SCAPER: variants seen among roughly 807,000 people sequenced by gnomAD.
The protein encoded by SCAPER is S phase cyclin A-associated protein in the endoplasmic reticulum.
Under a neutral mutation model 182.2 loss-of-function variants are expected in SCAPER, and 98 were observed. The ratio of observed to expected loss-of-function variants is 0.54; its 90% CI spans 0.46 to 0.64. The LOEUF (loss-of-function observed/expected upper bound fraction) is 0.64. Among genes scored for constraint, SCAPER ranks in the 30% least tolerant of loss-of-function variants. The pLI is 0.00. For synonymous variants in SCAPER, 605 were observed against 564.6 expected (o/e 1.07, Z -1.01); for missense variants, 1,432 against 1,690.0 (o/e 0.85, Z 2.68).
chr15:76,873,630 C>A (rs899465540), intron 2 of SCAPER, among the ~76,000 whole-genome samples: 3 of 152,066 alleles, frequency 2.0e-5, no homozygotes, highest in Non-Finnish European at 4.4e-5. Context: ...CTTTTAGAAG[C>A]TGGCAGAACA....
Position 76,425,731 on chromosome 15 carries a change from T to TC in SCAPER, c.3311+8346dup, listed in dbSNP as rs763905249. On this transcript the variant is annotated intron_variant, in intron 26 of 31. Transcript: ENST00000563290. ...TTTCAGCTTTTCTGCTCTGTTTTTTTCCCATCTTTGTGGTTTTATCCACCT... is the reference window on the plus strand; with the variant it reads ...TTTCAGCTTTTCTGCTCTGTTTTTTTCCCCATCTTTGTGGTTTTATCCACCT... Among the ~76,000 whole-genome samples the TC allele has an allele frequency of 9.2e-5, 14 of 152,224 alleles. 1 individual carries two copies. The highest frequency in any genetic ancestry group is 1.9e-4 in the East Asian group (1 of 5,198).
At chr15:76,863,502 G>A (rs1419698730) in intron 2 of SCAPER, among the ~76,000 whole-genome samples, 1 of 152,096 alleles carries the variant, frequency 6.6e-6, no homozygotes, top group Non-Finnish European at 1.5e-5. Context: ...ATGTGCAAAA[G>A]CATCAAGTAA....
chr15:76,538,551 C>T (rs2044415800), intron 23 of SCAPER, among the ~76,000 whole-genome samples: 1 of 152,038 alleles, frequency 6.6e-6, no homozygotes, highest in African/African-American at 2.4e-5. Context: ...GAACATCACA[C>T]TCTGTGGACT....
chr15:76,410,876 CT>C lies in SCAPER; in HGVS notation c.3312-6198del, dbSNP rs139922939. The stretch of plus-strand genomic sequence containing the variant: ...ATTCTATTGTCTATCCTTCACATCT[CT>C]TGTCTTCTTGCTAATCACATTTGTG... On this transcript the variant is annotated intron_variant, in intron 26 of 31. Transcript: ENST00000563290. 2.6e-5 allele frequency among the ~76,000 whole-genome samples: 4 copies of C among 151,666 alleles called. 1 individual carries two copies. Among genetic ancestry groups the C allele is most frequent in the Admixed American group, 2.6e-4 (4 of 15,216 alleles).
intron 17 of SCAPER, among the ~76,000 whole-genome samples, chr15:76,725,240 A>C (rs1022812129): frequency 6.6e-6 from 1 of 152,182 alleles, no homozygotes; most frequent in Non-Finnish European, 1.5e-5. Flanking sequence ...GATGAGAAAA[A>C]CAGATGCAAT....
chr15:76,843,061 A>G (rs2069637004), intron 4 of SCAPER, among the ~76,000 whole-genome samples: 1 of 152,228 alleles, frequency 6.6e-6, no homozygotes, highest in Non-Finnish European at 1.5e-5. Flanking sequence ...GAAATTATCA[A>G]AACTACTACC....
chr15:76,580,151 T>C (rs141232618), intron 22 of SCAPER, among the ~76,000 whole-genome samples: 208 of 152,250 alleles, frequency 1.4e-3, no homozygotes, highest in African/African-American at 5.0e-3. Flanking sequence ...CTGGATTTAA[T>C]CTACACCATA....
chr15:76,889,825 T>C (rs112223888), intron 1 of SCAPER, among the ~76,000 whole-genome samples: 5 of 152,308 alleles, frequency 3.3e-5, no homozygotes, highest in African/African-American at 1.2e-4. Context: ...GCGGACCTAA[T>C]AGACATCTAC....
chr15:76,854,803 C>CAAAAAA (rs35484908), intron 4 of SCAPER, among the ~76,000 whole-genome samples: 1 of 118,376 alleles, frequency 8.4e-6, no homozygotes, highest in Non-Finnish European at 1.7e-5. Context: ...ACTAAAAATA[C>CAAAAAA]AAAAAAAAAA....
At chr15:76,717,814 T>A (rs2150935783) in intron 17 of SCAPER, among the ~76,000 whole-genome samples, 1 of 152,164 alleles carries the variant, frequency 6.6e-6, no homozygotes, top group East Asian at 1.9e-4. Context: ...TTAATGGACA[T>A]GAAGGGAGAA....
chr15:76,769,065 T>C (rs748047837), intron 10 of SCAPER, among the ~76,000 whole-genome samples: 1 of 151,960 alleles, frequency 6.6e-6, no homozygotes, highest in Non-Finnish European at 1.5e-5. Context: ...ACCTACAGAA[T>C]GGAGAAAATT....
rs558062670 is a variant in SCAPER, at chr15:76,858,333, C to T, written c.125-454G>A. 7.8e-4 allele frequency among the ~76,000 whole-genome samples: 119 copies of T among 152,268 alleles called. 1 individual carries two copies. The highest frequency in any genetic ancestry group is 1.4e-3 in the Non-Finnish European group (96 of 68,010). On this transcript the variant is annotated intron_variant, in intron 3 of 31. Transcript: ENST00000563290. ...TGTTTTATCTGATATATGAAATGCACAATTTCACTGCGAAAAGTGAGGTTT... is the reference window on the plus strand; with the variant it reads ...TGTTTTATCTGATATATGAAATGCATAATTTCACTGCGAAAAGTGAGGTTT...
Position 76,765,402 on chromosome 15 carries a change from T to C in SCAPER, c.1548A>G (p.Glu516=), listed in dbSNP as rs2063049076. The C allele has an allele frequency of 4.3e-6, 7 of 1,613,946 alleles. No individual in the cohort carries two copies. The highest frequency in any genetic ancestry group is 5.9e-6 in the Non-Finnish European group (7 of 1,179,854). ...TTCCATGCCCTGGAGGTCTAGCAGG[T>C]TCTTCTTCTACAATGTCCCCCCAGG... ...NTSWGDIVEE[E]PARPPGHGIH... is the part of the protein sequence containing the mutation. The change falls in exon 13 of 32, where the codon GAA becomes GAG. Residue 516 remains glutamate (E), a synonymous_variant. Coordinates refer to ENST00000563290, the MANE Select transcript of SCAPER (RefSeq NM_020843.4).
At chr15:76,417,644 G>A (rs1037255078) in intron 26 of SCAPER, among the ~76,000 whole-genome samples, 2 of 152,210 alleles carry the variant, frequency 1.3e-5, no homozygotes, top group African/African-American at 4.8e-5. Flanking sequence ...GGCTAGATAT[G>A]TGGTCAGGGT....
intron 22 of SCAPER, among the ~76,000 whole-genome samples, chr15:76,603,990 T>C (rs1428039869): frequency 8.2e-6 from 1 of 121,600 alleles, no homozygotes; most frequent in African/African-American, 2.5e-5. Flanking sequence ...TTCAGTCTGA[T>C]GGTAGTTTCT....
intron 9 of SCAPER, among the ~76,000 whole-genome samples, chr15:76,773,097 A>G (rs749606445): frequency 1.3e-5 from 2 of 151,898 alleles, no homozygotes; most frequent in Non-Finnish European, 2.9e-5. Flanking sequence ...GCCATGGTTT[A>G]TAATCTTCTT....
chr15:76,505,012 C>T (rs1355594063), intron 23 of SCAPER, 38 bp from the exon 24 acceptor site: 4 of 1,508,842 alleles, frequency 2.7e-6, no homozygotes, highest in Non-Finnish European at 3.7e-6. Flanking sequence ...CCCAATTTCC[C>T]AGGCATTAAA....
rs540330004 is a variant in SCAPER, at chr15:76,714,701, G to T, written c.2166-8717C>A. ...TGTACACTTAGATTTGTGTATTTTT[G>T]TTTGTTATAATTCATAAAAAATGTT... On this transcript the variant is annotated intron_variant, in intron 17 of 31. Coordinates refer to ENST00000563290, the MANE Select transcript of SCAPER (RefSeq NM_020843.4). Among the ~76,000 whole-genome samples, 7 of 152,080 alleles carry T rather than the reference G, an allele frequency of 4.6e-5. No individual in the cohort carries two copies. In the South Asian group the frequency reaches 1.5e-3, roughly 32 times the overall value.
intron 1 of SCAPER, among the ~76,000 whole-genome samples, chr15:76,901,571 T>C (rs1444839537): frequency 1.3e-5 from 2 of 152,366 alleles, no homozygotes; most frequent in South Asian, 2.1e-4. Flanking sequence ...GATTGATACA[T>C]AGCAGTTCAT....
Sources: allele counts gnomAD v4.1 joint callset (sites outside exome capture counted in the v4.1 genomes callset), GRCh38; gene constraint gnomAD v4.1.1; transcripts MANE v1.5; gene names NCBI Gene and HGNC (gene_info 2026-07-23, HGNC 2026-07-21).